The following TPD52 variants were observed in gnomAD, a reference collection of about 807,000 sequenced individuals.
The protein encoded by TPD52 is tumor protein D52.
TPD52 carries 17 observed loss-of-function variants against 31.3 expected under a neutral mutation model. The ratio of observed to expected loss-of-function variants is 0.54; its 90% CI spans 0.37 to 0.82. The LOEUF (loss-of-function observed/expected upper bound fraction) is 0.82, where lower values mean the gene tolerates loss of function less well. TPD52 is among the 40% of genes least tolerant of loss of function. The pLI is 0.00. For synonymous variants in TPD52, 83 were observed against 89.6 expected (o/e 0.93, Z 0.42); for missense variants, 212 against 240.1 (o/e 0.88, Z 0.77).
At chr8:80,093,551 T>G (rs1347288478) in intron 1 of TPD52, among the ~76,000 whole-genome samples, 1 of 152,326 alleles carries the variant, frequency 6.6e-6, no homozygotes, top group African/African-American at 2.4e-5. Context: ...CAGTAGGCAC[T>G]TATTTAAAAT....
chr8:80,042,818 A>C, intron 6 of TPD52, 150 bp from the exon 7 acceptor site: 1 of 588,336 alleles, frequency 1.7e-6, no homozygotes, highest in African/African-American at 1.9e-5. Flanking sequence ...GGTACATACA[A>C]GTATTTATAA....
intron 1 of TPD52, among the ~76,000 whole-genome samples, chr8:80,121,409 G>A (rs919040276): frequency 6.6e-6 from 1 of 152,138 alleles, no homozygotes; most frequent in Non-Finnish European, 1.5e-5. Context: ...AAAGATTATG[G>A]CCATGGAGAC....
chr8:80,114,940 G>C (rs1321832767), intron 1 of TPD52, among the ~76,000 whole-genome samples: 1 of 152,180 alleles, frequency 6.6e-6, no homozygotes, highest in African/African-American at 2.4e-5. Context: ...TTGTGTCTGA[G>C]TCGTACCCCT....
In TPD52 at chr8:80,036,873, T is replaced by C. The variant is rs1233026831; in HGVS notation, c.*1243A>G. On this transcript the variant is annotated 3_prime_UTR_variant, in exon 8 of 8. Coordinates refer to ENST00000518937, the MANE Select transcript of TPD52 (RefSeq NM_001025253.3). ...AATTTAATAAATAACAAATACAACA[T>C]TGTAGGCCATAATCATATACAGTAT... 8 of 152,302 alleles carry C rather than the reference T, an allele frequency of 5.3e-5. No homozygotes were observed. 9.4% of individuals were successfully genotyped at this position (152,302 alleles called of 1,614,324 possible). A position where few individuals can be genotyped will look rare whatever the true frequency, so the allele number is the denominator to read the frequency against.
intron 1 of TPD52, among the ~76,000 whole-genome samples, chr8:80,169,411 C>A (rs549915161): frequency 1.7e-4 from 26 of 152,036 alleles, no homozygotes; most frequent in Admixed American, 1.5e-3. Context: ...ATTATAGACA[C>A]GAAAAGACTC....
intron 1 of TPD52, among the ~76,000 whole-genome samples, chr8:80,129,103 G>A (rs961096183): frequency 3.3e-5 from 5 of 151,950 alleles, no homozygotes; most frequent in African/African-American, 1.2e-4. Flanking sequence ...ATTCAAGCTT[G>A]ATACTTCCTA....
intron 1 of TPD52, among the ~76,000 whole-genome samples, chr8:80,072,798 C>CACACACATATATATATATATAT (rs977939775): frequency 1.4e-5 from 2 of 141,050 alleles, no homozygotes; most frequent in South Asian, 2.1e-4. Context: ...CACACACACA[C>CACACACATATATATATATATAT]ATATATATAT....
chr8:80,171,518 G>T lies in TPD52; in HGVS notation c.-75C>A. ...CGTCCCGGCTCGGATCGCCCGCCGC[G>T]CCGCGCAGAGCTCCTCCTCGCCTCC... is the stretch of plus-strand genomic sequence containing the variant. On this transcript the variant is annotated 5_prime_UTR_variant, in exon 1 of 8. Transcript: ENST00000518937. 1 of 1,479,998 alleles carries T rather than the reference G, an allele frequency of 6.8e-7. No individual in the cohort carries two copies. The highest frequency in any genetic ancestry group is 8.9e-7 in the Non-Finnish European group (1 of 1,126,808). 91.7% of individuals were successfully genotyped at this position (1,479,998 alleles called of 1,614,324 possible).
chr8:80,118,336 A>G (rs1297365582), intron 1 of TPD52, among the ~76,000 whole-genome samples: 5 of 152,190 alleles, frequency 3.3e-5, no homozygotes, highest in Admixed American at 6.5e-5. Context: ...TAAACTATAA[A>G]ACTCTTAGAG....
At chr8:80,112,617 T>C (rs1433519460) in intron 1 of TPD52, among the ~76,000 whole-genome samples, 2 of 152,242 alleles carry the variant, frequency 1.3e-5, no homozygotes, top group African/African-American at 4.8e-5. Flanking sequence ...GCTAGTTAAC[T>C]GCTGGACTTC....
intron 1 of TPD52, chr8:80,067,446 T>C (rs1813285008): frequency 6.6e-6 from 1 of 152,176 alleles, no homozygotes; most frequent in Non-Finnish European, 1.5e-5. Flanking sequence ...CAGTCATGCC[T>C]TGAGAAAATT....
At chr8:80,165,139 A>G (rs1005560518) in intron 1 of TPD52, among the ~76,000 whole-genome samples, 15 of 152,128 alleles carry the variant, frequency 9.9e-5, no homozygotes, top group African/African-American at 3.6e-4. Flanking sequence ...CCTTTATATT[A>G]AATATATATA....
At chr8:80,131,704 C>T (rs1809028934) in intron 1 of TPD52, among the ~76,000 whole-genome samples, 1 of 152,166 alleles carries the variant, frequency 6.6e-6, no homozygotes, top group South Asian at 2.1e-4. Flanking sequence ...TACAATAATA[C>T]CTATGAGCTC....
At chr8:80,153,953 CA>C (rs759180267) in intron 1 of TPD52, among the ~76,000 whole-genome samples, 1 of 152,198 alleles carries the variant, frequency 6.6e-6, no homozygotes, top group Non-Finnish European at 1.5e-5. Context: ...CTAAGAATTT[CA>C]AACTCTTCAA....
intron 1 of TPD52, among the ~76,000 whole-genome samples, chr8:80,152,615 T>C (rs1810653434): frequency 6.6e-6 from 1 of 151,848 alleles, no homozygotes; most frequent in Non-Finnish European, 1.5e-5. Context: ...ACCCCATCTC[T>C]ACTAAAAATA....
chr8:80,058,545 C>A (rs967794028), intron 2 of TPD52, among the ~76,000 whole-genome samples: 3 of 152,190 alleles, frequency 2.0e-5, no homozygotes, highest in African/African-American at 7.2e-5. Flanking sequence ...TGCCTGTAAT[C>A]CCAGGACTTT....
At chr8:80,164,055 A>G (rs1811551056) in intron 1 of TPD52, among the ~76,000 whole-genome samples, 1 of 150,448 alleles carries the variant, frequency 6.6e-6, no homozygotes, top group Non-Finnish European at 1.5e-5. Flanking sequence ...AGAGAGAGAG[A>G]CAGACAGACA....
intron 1 of TPD52, among the ~76,000 whole-genome samples, chr8:80,069,368 T>C (rs1813510107): frequency 6.6e-6 from 1 of 152,102 alleles, no homozygotes; most frequent in Non-Finnish European, 1.5e-5. Flanking sequence ...CAGGAGGCTG[T>C]GGCGGGAGGA....
intron 1 of TPD52, among the ~76,000 whole-genome samples, chr8:80,161,729 T>C: frequency 2.4e-5 from 1 of 41,632 alleles, no homozygotes; most frequent in Non-Finnish European, 4.7e-5. Context: ...TATATATATA[T>C]ATATTTTTTT....
Sources: allele counts gnomAD v4.1 joint callset (sites outside exome capture counted in the v4.1 genomes callset), GRCh38; gene constraint gnomAD v4.1.1; transcripts MANE v1.5; gene names NCBI Gene and HGNC (gene_info 2026-07-23, HGNC 2026-07-21).